TTC3: variants seen among roughly 807,000 people sequenced by gnomAD.
TTC3 encodes the protein tetratricopeptide repeat domain 3.
TTC3 carries 180 observed loss-of-function variants against 249.6 expected under a neutral mutation model. The observed-to-expected ratio is 0.72, with a 90% CI of 0.64 to 0.82. TTC3 has a LOEUF of 0.82. Among genes scored for constraint, TTC3 ranks in the 40% least tolerant of loss-of-function variants. The pLI is 0.00. For synonymous variants in TTC3, 717 were observed against 805.0 expected, an observed-to-expected ratio of 0.89 and a Z score of 1.85; for missense variants, 2,061 against 2,398.4, an observed-to-expected ratio of 0.86 and a Z score of 2.94.
At chr21:37,084,568 A>T (rs1199290068) in intron 1 of TTC3, among the ~76,000 whole-genome samples, 1 of 152,196 alleles carries the variant, frequency 6.6e-6, no homozygotes, top group Non-Finnish European at 1.5e-5. Context: ...AACACAGAGG[A>T]AGCACAGAGA....
intron 11 of TTC3, among the ~76,000 whole-genome samples, chr21:37,120,523 A>T (rs1006110263): frequency 2.0e-5 from 3 of 152,328 alleles, no homozygotes; most frequent in African/African-American, 7.2e-5. Context: ...TGAAGTCCGT[A>T]AATGCTTAGG....
In TTC3 at chr21:37,124,720, A is replaced by G. The variant is rs961494734; in HGVS notation, c.1211A>G (p.Asn404Ser). Residue 404 changes from asparagine to serine, a missense_variant, in exon 14 of 46, where the codon AAC becomes AGC. This residue lies in a region of TTC3 where 989 missense variants were observed against 1,145.1 expected (regional missense o/e 0.86). Transcript: ENST00000355666. ...AGAAAAATTAATCACGAAATGGCCA[A>G]CGGTGGTAATCAGAATCTAAAGGTA... The G allele has an allele frequency of 1.9e-5, 30 of 1,613,490 alleles. No homozygotes were observed. The East Asian group carries it at 4.0e-4, about 22-fold the overall frequency.
chr21:37,158,031 G>T (rs2080284458), intron 28 of TTC3: 3 of 661,058 alleles, frequency 4.5e-6, no homozygotes, highest in Non-Finnish European at 3.7e-6. Flanking sequence ...TGTCACAGAT[G>T]ATAAAGTTCC....
exon 18 of TTC3, chr21:37,135,396 T>A (rs1196648459): frequency 1.2e-6 from 2 of 1,611,582 alleles, no homozygotes; most frequent in Non-Finnish European, 1.7e-6. Flanking sequence ...GCTAATATAA[T>A]GAAAATGCTG....
intron 1 of TTC3, chr21:37,082,436 T>G: frequency 1.1e-4 from 106 of 956,414 alleles, no homozygotes; most frequent in Non-Finnish European, 1.3e-4. Flanking sequence ...GTGGTGATCT[T>G]GAGAGTCTAA....
At chr21:37,088,624 A>C (rs1174636641) in intron 4 of TTC3, among the ~76,000 whole-genome samples, 175 bp from the exon 5 acceptor site, 2 of 152,246 alleles carry the variant, frequency 1.3e-5, no homozygotes, top group Non-Finnish European at 2.9e-5. Flanking sequence ...AGTGCAGAAG[A>C]GAGGAAAAAG....
intron 1 of TTC3, among the ~76,000 whole-genome samples, chr21:37,084,983 A>G (rs1286103416): frequency 7.2e-6 from 1 of 138,488 alleles, no homozygotes; most frequent in Non-Finnish European, 1.6e-5. Context: ...ACAGAGTGAG[A>G]CTGTGTCTCA....
chr21:37,153,123 C>A (rs1203292674), exon 27 of TTC3: 5 of 1,613,726 alleles, frequency 3.1e-6, no homozygotes, highest in Non-Finnish European at 4.2e-6. Flanking sequence ...GTTTTTCTAG[C>A]AGAAATTTTC....
chr21:37,117,475 T>C (rs936253866), intron 11 of TTC3, among the ~76,000 whole-genome samples: 5 of 152,200 alleles, frequency 3.3e-5, no homozygotes, highest in African/African-American at 1.2e-4. Context: ...GCTATATCAA[T>C]ATTTGTAAAA....
chr21:37,148,761 A>T, intron 23 of TTC3, 114 bp downstream of exon 23: 1 of 653,826 alleles, frequency 1.5e-6, no homozygotes, highest in Non-Finnish European at 2.5e-6. Context: ...TTAAATTATA[A>T]CTTTAATAAT....
chr21:37,160,369 C>T (rs1270712995), intron 29 of TTC3, among the ~76,000 whole-genome samples: 1 of 152,168 alleles, frequency 6.6e-6, no homozygotes, highest in Non-Finnish European at 1.5e-5. Flanking sequence ...AGCAGGGAAA[C>T]ACAGCTGAAA....
exon 33 of TTC3, chr21:37,166,469 T>C (rs769808778): frequency 6.2e-7 from 1 of 1,614,226 alleles, no homozygotes; most frequent in Non-Finnish European, 8.5e-7. Context: ...AAAGTCACAC[T>C]GCAGCACAGG....
intron 34 of TTC3, among the ~76,000 whole-genome samples, chr21:37,167,934 C>T (rs113608711): frequency 6.6e-6 from 1 of 151,210 alleles, no homozygotes; most frequent in Non-Finnish European, 1.5e-5. Flanking sequence ...TCCAGGCTGG[C>T]CAGCTTTATT....
At chr21:37,100,291 A>G (rs1419730944) in intron 10 of TTC3, among the ~76,000 whole-genome samples, 2 of 152,262 alleles carry the variant, frequency 1.3e-5, no homozygotes, top group Non-Finnish European at 2.9e-5. Flanking sequence ...ACTTTTATGT[A>G]TACTTGAAAT....
exon 42 of TTC3, chr21:37,195,758 C>T (rs777419042): frequency 7.4e-6 from 12 of 1,614,084 alleles, no homozygotes; most frequent in South Asian, 4.4e-5. Flanking sequence ...CTGGAAACCA[C>T]GCAGCACTTC....
rs547791825 is a variant in TTC3, at chr21:37,147,380, A to C, written c.1894-101A>C. On this transcript the variant is annotated intron_variant, in intron 21 of 45. Coordinates refer to ENST00000355666, the Ensembl canonical transcript of TTC3. ...TTGGTGAAAAAATTTAGTCATTCTTATGCTGAAAATATTTTGATGGCAAGA... is the reference window on the plus strand; with the variant it reads ...TTGGTGAAAAAATTTAGTCATTCTTCTGCTGAAAATATTTTGATGGCAAGA... The C allele has an allele frequency of 5.1e-6, 6 of 1,168,588 alleles. No individual in the cohort carries two copies. The East Asian group carries it at 1.7e-4, about 32-fold the overall frequency. The allele number at this position is 1,168,588 out of a possible 1,614,324, so 72.4% of individuals were successfully genotyped here.
exon 7 of TTC3, chr21:37,091,305 A>G (rs1414709555): frequency 3.7e-6 from 6 of 1,608,712 alleles, no homozygotes; most frequent in East Asian, 4.5e-5. Flanking sequence ...AATCTTGGCA[A>G]TGGAAGAAGC....
intron 32 of TTC3, among the ~76,000 whole-genome samples, chr21:37,164,446 G>T (rs538418081): frequency 6.6e-6 from 1 of 151,260 alleles, no homozygotes; most frequent in African/African-American, 2.4e-5. Context: ...TCAGGTGATT[G>T]TCATGCGTCA....
At chr21:37,090,379 A>G in intron 6 of TTC3, 93 bp downstream of exon 6, 1 of 1,201,206 alleles carries the variant, frequency 8.3e-7, no homozygotes. Flanking sequence ...CCATACACTC[A>G]ATGTTCTATA....
Sources: gnomAD v4.1 joint callset for allele counts (sites outside exome capture counted in the v4.1 genomes callset) on GRCh38, gnomAD v4.1.1 for gene constraint, gnomAD v4.1.1 regional missense constraint, MANE v1.5 for transcripts, NCBI Gene and HGNC (gene_info 2026-07-23, HGNC 2026-07-21) for gene names.